The following RSF1 variants were observed in gnomAD, a reference collection of about 807,000 sequenced individuals.
RSF1 encodes HBV pX-associated protein 8.
A neutral mutation model predicts 145.2 loss-of-function variants in RSF1; 13 were observed. The observed-to-expected ratio is 0.09, with a 90% CI of 0.06 to 0.14. RSF1 has a LOEUF of 0.14. Among genes scored for constraint, RSF1 ranks in the 10% least tolerant of loss-of-function variants. RSF1 has a pLI of 1.00. For missense variants in RSF1, 1,517 were observed against 1,718.2 expected, an observed-to-expected ratio of 0.88 and a Z score of 2.07; for synonymous variants, 577 against 592.6, an observed-to-expected ratio of 0.97 and a Z score of 0.38.
At chr11:77,807,967 C>A (rs1471647114) in intron 1 of RSF1, among the ~76,000 whole-genome samples, 1 of 152,196 alleles carries the variant, frequency 6.6e-6, no homozygotes, top group South Asian at 2.1e-4. Flanking sequence ...GTACAGGAGA[C>A]GAAGTCTAAT....
At chr11:77,762,349 A>G (rs562411175) in intron 2 of RSF1, 3 of 151,812 alleles carry the variant, frequency 2.0e-5, no homozygotes, top group African/African-American at 7.2e-5. Flanking sequence ...TTTCTCTCTC[A>G]CTATCAATTA....
At chr11:77,788,032 C>G (rs1948475412) in intron 1 of RSF1, among the ~76,000 whole-genome samples, 1 of 149,020 alleles carries the variant, frequency 6.7e-6, no homozygotes, top group Non-Finnish European at 1.5e-5. Flanking sequence ...ATAGTAACTA[C>G]TCGGGAGGCT....
At chr11:77,687,558 T>C (rs915745997) in intron 9 of RSF1, among the ~76,000 whole-genome samples, 2 of 151,766 alleles carry the variant, frequency 1.3e-5, no homozygotes, top group African/African-American at 4.8e-5. Context: ...AATACAAAAA[T>C]TAGCCGGGTG....
At chr11:77,718,586 G>C (rs1423948439) in intron 5 of RSF1, among the ~76,000 whole-genome samples, 1 of 152,110 alleles carries the variant, frequency 6.6e-6, no homozygotes, top group Non-Finnish European at 1.5e-5. Context: ...CCTTTGGTGA[G>C]GTAATTATGG....
chr11:77,677,033 A>T, intron 12 of RSF1, 34 bp from the exon 13 acceptor site: 1 of 1,516,072 alleles, frequency 6.6e-7, no homozygotes, highest in South Asian at 1.1e-5. Context: ...GGGGAGAGAA[A>T]AATATGTGTT....
the RSF1 span, among the ~76,000 whole-genome samples, chr11:77,860,735 A>T: frequency 4.6e-5 from 7 of 152,332 alleles, no homozygotes; most frequent in Non-Finnish European, 4.4e-5. Context: ...TCAAAGGCAA[A>T]CAAGAATTGA....
chr11:77,801,512 A>G (rs1948626160), intron 1 of RSF1, among the ~76,000 whole-genome samples: 1 of 152,230 alleles, frequency 6.6e-6, no homozygotes, highest in South Asian at 2.1e-4. Context: ...TTCCTGAGTG[A>G]TAGGGCACTA....
At chr11:77,769,553 G>A (rs1380341099) in intron 1 of RSF1, among the ~76,000 whole-genome samples, 2 of 152,152 alleles carry the variant, frequency 1.3e-5, no homozygotes, top group Non-Finnish European at 2.9e-5. Context: ...AAACAGTCAG[G>A]GGCTATGTGA....
At chr11:77,857,628 A>C in the RSF1 span, among the ~76,000 whole-genome samples, 1 of 151,232 alleles carries the variant, frequency 6.6e-6, no homozygotes, top group South Asian at 2.1e-4. Context: ...TGTGCAGAAC[A>C]TGCAGGTTTG....
At chr11:77,671,138 AATATATATATAT>A (rs1225103987) in intron 15 of RSF1, among the ~76,000 whole-genome samples, 404 of 21,970 alleles carry the variant, frequency 0.018, 8 homozygotes, top group East Asian at 0.11. Context: ...AAAAAAAAAA[AATATATATATAT>A]ATATATATAT....
chr11:77,713,516 T>C (rs1960736466), intron 5 of RSF1, among the ~76,000 whole-genome samples: 1 of 152,222 alleles, frequency 6.6e-6, no homozygotes, highest in Non-Finnish European at 1.5e-5. Context: ...AGAAAATGTC[T>C]TGATGTTGAA....
Position 77,820,524 on chromosome 11 carries a change from T to C in RSF1, c.187+4A>G. 6.5e-7 allele frequency: 1 copy of C among 1,547,658 alleles called. No homozygotes were observed. The highest frequency in any genetic ancestry group is 1.2e-5 in the South Asian group (1 of 83,940). ...CCCGCCGGGCGTTCGGGCCCCTCGCTTACCTTCTCCGTTGCCGACGTCCGG... is the reference window on the plus strand; with the variant it reads ...CCCGCCGGGCGTTCGGGCCCCTCGCCTACCTTCTCCGTTGCCGACGTCCGG... On this transcript the variant is annotated splice_donor_region_variant and intron_variant, in intron 1 of 15. Transcript: ENST00000308488.
At chr11:77,676,027 G>C (rs1959691922) in intron 13 of RSF1, among the ~76,000 whole-genome samples, 1 of 152,132 alleles carries the variant, frequency 6.6e-6, no homozygotes, top group South Asian at 2.1e-4. Flanking sequence ...CTGCTATCCA[G>C]AGCCAACAGG....
chr11:77,681,934 C>A (rs999894837), intron 11 of RSF1, among the ~76,000 whole-genome samples: 1 of 152,020 alleles, frequency 6.6e-6, no homozygotes, highest in Non-Finnish European at 1.5e-5. Flanking sequence ...TAATAAATTC[C>A]TATCTTTTTT....
At chr11:77,772,247 G>A (rs181812381) in intron 1 of RSF1, among the ~76,000 whole-genome samples, 50 of 151,728 alleles carry the variant, frequency 3.3e-4, no homozygotes, top group African/African-American at 1.1e-3. Context: ...ATGGCTCACC[G>A]CAGCCTCGAT....
chr11:77,764,078 T>C (rs1470173208), intron 2 of RSF1: 1 of 152,708 alleles, frequency 6.5e-6, no homozygotes, highest in Non-Finnish European at 1.5e-5. Context: ...CAGTTCACGA[T>C]AGGGTTTGCA....
chr11:77,834,441 GTTTTT>G, the RSF1 span, among the ~76,000 whole-genome samples: 1 of 105,546 alleles, frequency 9.5e-6, no homozygotes, highest in South Asian at 3.3e-4. Flanking sequence ...AGTTGATTTT[GTTTTT>G]TTTTTTTTTT....
intron 2 of RSF1, among the ~76,000 whole-genome samples, chr11:77,751,124 T>C (rs112853426): frequency 6.6e-5 from 10 of 152,280 alleles, no homozygotes; most frequent in African/African-American, 2.2e-4. Flanking sequence ...GGGAGCTTTT[T>C]TAAAGGTTCC....
In RSF1 at chr11:77,747,126, T is replaced by C; in HGVS notation, c.282A>G (p.Ile94Met). ...ADRWEKYLIK[I>M]CQEFNSTWAW... Reference sequence around the variant, plus strand: ...CCCAGGTACTGTTAAACTCTTGGCATATCTGTCAGATAAAGTTAATATCTT... The same window carrying C: ...CCCAGGTACTGTTAAACTCTTGGCACATCTGTCAGATAAAGTTAATATCTT... The change falls in exon 3 of 16, where the codon ATA becomes ATG. Residue 94 changes from isoleucine (I) to methionine (M), a missense_variant and splice_region_variant. Physicochemically the swap from Ile to Met is conservative, Grantham distance 10 (BLOSUM62 1). Around this residue, in one of 12 missense-constraint regions of RSF1, gnomAD observed 94 missense variants for 143.6 expected, o/e 0.65. Transcript: ENST00000308488. 6.2e-7 allele frequency: 1 copy of C among 1,601,082 alleles called. No individual in the cohort carries two copies. Among genetic ancestry groups the C allele is most frequent in the Middle Eastern group, 1.7e-4 (1 of 6,034 alleles).
Sources: allele counts gnomAD v4.1 joint callset (sites outside exome capture counted in the v4.1 genomes callset), GRCh38; gene constraint gnomAD v4.1.1; regional missense constraint gnomAD v4.1.1; transcripts MANE v1.5; gene names NCBI Gene and HGNC (gene_info 2026-07-23, HGNC 2026-07-21).